The following USP32 variants were observed in gnomAD, a reference collection of about 807,000 sequenced individuals.
USP32 encodes the protein ubiquitin carboxyl-terminal hydrolase 32.
Under a neutral mutation model 204.8 loss-of-function variants are expected in USP32, and 59 were observed. The ratio of observed to expected loss-of-function variants is 0.29; its 90% confidence interval spans 0.23 to 0.36. USP32 has a LOEUF of 0.36. Among genes scored for constraint, USP32 ranks in the 10% least tolerant of loss-of-function variants. The pLI is 1.00. For synonymous variants in USP32, 517 were observed against 678.4 expected, an observed-to-expected ratio of 0.76 and a Z score of 3.70; for missense variants, 1,160 against 1,946.4, an observed-to-expected ratio of 0.60 and a Z score of 7.60.
At chr17:60,278,203 CA>C (rs1296859780) in intron 5 of USP32, among the ~76,000 whole-genome samples, 1 of 151,938 alleles carries the variant, frequency 6.6e-6, no homozygotes. Context: ...TGCACCCAGA[CA>C]ATAAATAAAA....
At chr17:60,409,919 G>A (rs1029122477) in intron 1 of USP32, among the ~76,000 whole-genome samples, 12 of 152,280 alleles carry the variant, frequency 7.9e-5, no homozygotes, top group African/African-American at 2.9e-4. Flanking sequence ...GTCCTGGATG[G>A]TATGCAGCCC....
chr17:60,365,973 C>G (rs1567877305), intron 1 of USP32, among the ~76,000 whole-genome samples: 3 of 151,936 alleles, frequency 2.0e-5, no homozygotes, highest in African/African-American at 7.2e-5. Flanking sequence ...CTCCCTTTTT[C>G]TTGTTGTTGT....
At chr17:60,415,946 TCTC>T (rs1159266593) in intron 1 of USP32, among the ~76,000 whole-genome samples, 2 of 152,084 alleles carry the variant, frequency 1.3e-5, no homozygotes, top group Admixed American at 6.6e-5. Context: ...TTCAAGCAAT[TCTC>T]CTGCCTCAGC....
intron 3 of USP32, among the ~76,000 whole-genome samples, chr17:60,298,320 CTA>C (rs1376084445): frequency 2.6e-5 from 4 of 152,258 alleles, no homozygotes; most frequent in South Asian, 2.1e-4. Flanking sequence ...CTGCTGGAGG[CTA>C]TGTTTCTCAG....
intron 5 of USP32, among the ~76,000 whole-genome samples, chr17:60,285,381 C>T (rs1206436403): frequency 6.6e-6 from 1 of 152,166 alleles, no homozygotes; most frequent in Non-Finnish European, 1.5e-5. Context: ...CCAGTCAGAA[C>T]TTTTAATAAT....
rs191483843 is a variant in USP32 at position 60,233,806 on chromosome 17, T to C, written c.1239+2332A>G. Among the ~76,000 whole-genome samples, 390 of 152,302 alleles carry C rather than the reference T, an allele frequency of 2.6e-3. 2 individuals carry two copies. Among genetic ancestry groups the C allele is most frequent in the Non-Finnish European group, 3.4e-3 (230 of 68,026 alleles). On this transcript the variant is annotated intron_variant, in intron 12 of 33. Transcript: ENST00000300896. ...AGTAAAAACACTTTTCTAATTAATA[T>C]GTATTTTCAGAAAGTACTGCTGTTA...
At chr17:60,354,094 T>C (rs2089015172) in intron 1 of USP32, among the ~76,000 whole-genome samples, 1 of 152,224 alleles carries the variant, frequency 6.6e-6, no homozygotes, top group African/African-American at 2.4e-5. Context: ...GGTAAGCTTT[T>C]TTCTTGAAGT....
chr17:60,324,798 T>C (rs1271997708), intron 2 of USP32, among the ~76,000 whole-genome samples: 4 of 151,600 alleles, frequency 2.6e-5, no homozygotes, highest in African/African-American at 9.7e-5. Context: ...AGGTCGGGAG[T>C]TCGAGACCAG....
At chr17:60,396,524 G>A (rs1403874856), upstream of USP32, among the ~76,000 whole-genome samples, 1 of 152,138 alleles carries the variant, frequency 6.6e-6, no homozygotes, top group Non-Finnish European at 1.5e-5. Flanking sequence ...CCTCTCTGTT[G>A]ATCATTCTTT....
intron 1 of USP32, among the ~76,000 whole-genome samples, chr17:60,409,313 AT>A (rs1206152910): frequency 6.6e-6 from 1 of 152,242 alleles, no homozygotes; most frequent in African/African-American, 2.4e-5. Flanking sequence ...ATGCCACAGC[AT>A]TCCAGCCTAT....
intron 2 of USP32, among the ~76,000 whole-genome samples, chr17:60,313,103 T>C (rs944943538): frequency 2.0e-5 from 3 of 151,936 alleles, no homozygotes; most frequent in African/African-American, 7.3e-5. Context: ...ATACAAAAAT[T>C]AGCCAGTCAT....
chr17:60,286,440 T>G (rs1286560479), intron 5 of USP32, among the ~76,000 whole-genome samples: 4 of 152,124 alleles, frequency 2.6e-5, no homozygotes, highest in Admixed American at 6.5e-5. Context: ...GAATGGGAGA[T>G]GCTGCCACAA....
intron 1 of USP32, among the ~76,000 whole-genome samples, chr17:60,356,850 T>C (rs1257261771): frequency 1.3e-5 from 2 of 152,088 alleles, no homozygotes; most frequent in African/African-American, 4.8e-5. Context: ...TTTGATTTAC[T>C]AGGTAAACAC....
chr17:60,403,912 C>T (rs564714446), intron 1 of USP32, among the ~76,000 whole-genome samples: 206 of 152,004 alleles, frequency 1.4e-3, no homozygotes, highest in Non-Finnish European at 2.5e-3. Context: ...GTTTGGCACA[C>T]GCCTGTGGGT....
At chr17:60,382,064 G>A (rs1204821649) in intron 1 of USP32, among the ~76,000 whole-genome samples, 2 of 152,248 alleles carry the variant, frequency 1.3e-5, no homozygotes, top group African/African-American at 4.8e-5. Flanking sequence ...ACAAGATTTA[G>A]TGTCTTGAAA....
chr17:60,264,461 G>C (rs1010419590), intron 9 of USP32, among the ~76,000 whole-genome samples: 6 of 151,502 alleles, frequency 4.0e-5, no homozygotes, highest in Admixed American at 2.6e-4. Context: ...GCTGCAGTGA[G>C]CCAAGATCCC....
chr17:60,401,150 A>G (rs2089931736), intron 1 of USP32, among the ~76,000 whole-genome samples: 1 of 150,736 alleles, frequency 6.6e-6, no homozygotes, highest in Non-Finnish European at 1.5e-5. Context: ...AAACAGAGCC[A>G]GACCCTGTCT....
At chr17:60,299,457 A>G (rs545898205) in intron 3 of USP32, among the ~76,000 whole-genome samples, 1 of 152,228 alleles carries the variant, frequency 6.6e-6, no homozygotes, top group Non-Finnish European at 1.5e-5. Context: ...AGGGAGAGAG[A>G]AGGAGGCTGA....
intron 2 of USP32, among the ~76,000 whole-genome samples, chr17:60,321,989 T>G (rs2088123269): frequency 6.6e-6 from 1 of 152,098 alleles, no homozygotes; most frequent in South Asian, 2.1e-4. Context: ...CAATGACTGT[T>G]GAGAAAACTT....
Sources: allele counts gnomAD v4.1 joint callset (sites outside exome capture counted in the v4.1 genomes callset), GRCh38; gene constraint gnomAD v4.1.1; transcripts MANE v1.5; gene names NCBI Gene and HGNC (gene_info 2026-07-23, HGNC 2026-07-21).